The following PAN3 variants were observed in gnomAD, a reference collection of about 807,000 sequenced individuals.
The protein encoded by PAN3 is PAN2-PAN3 deadenylation complex subunit PAN3.
Under a neutral mutation model 96.2 loss-of-function variants are expected in PAN3, and 19 were observed. The observed-to-expected ratio is 0.20, with a 90% CI of 0.14 to 0.29. The LOEUF is 0.29. Among genes scored for constraint, PAN3 ranks in the 10% least tolerant of loss-of-function variants. The pLI, the probability that PAN3 is intolerant of heterozygous loss-of-function variation, is 1.00. For synonymous variants in PAN3, 433 were observed against 406.6 expected (o/e 1.06, Z -0.78); for missense variants, 882 against 1,108.1 (o/e 0.80, Z 2.90).
At chr13:28,214,484 A>G (rs534246638) in intron 5 of PAN3, 6 of 249,196 alleles carry the variant, frequency 2.4e-5, no homozygotes, top group African/African-American at 9.3e-5. Context: ...CCACCAGAAC[A>G]CAGGTGTCAT....
chr13:28,166,259 A>G (rs1873523388), intron 1 of PAN3, among the ~76,000 whole-genome samples: 1 of 152,204 alleles, frequency 6.6e-6, no homozygotes, highest in African/African-American at 2.4e-5. Flanking sequence ...CACAGGATAG[A>G]TACTTCCATT....
chr13:28,152,865 T>C (rs1871546645), intron 1 of PAN3, among the ~76,000 whole-genome samples: 1 of 152,192 alleles, frequency 6.6e-6, no homozygotes, highest in Non-Finnish European at 1.5e-5. Flanking sequence ...GTTTTACCTT[T>C]CAAGTTGATA....
At chr13:28,245,407 T>C (rs1884082401) in intron 6 of PAN3, among the ~76,000 whole-genome samples, 2 of 151,644 alleles carry the variant, frequency 1.3e-5, no homozygotes, top group South Asian at 4.2e-4. Flanking sequence ...TTTTTTACAT[T>C]GTATTTCATT....
chr13:28,223,826 T>C (rs1266957531), intron 6 of PAN3, among the ~76,000 whole-genome samples: 3 of 151,462 alleles, frequency 2.0e-5, no homozygotes, highest in Non-Finnish European at 4.4e-5. Flanking sequence ...GTGCTTAATA[T>C]ATGAAATAAT....
chr13:28,265,554 C>T (rs1002144435), intron 9 of PAN3, among the ~76,000 whole-genome samples: 1 of 152,132 alleles, frequency 6.6e-6, no homozygotes, highest in African/African-American at 2.4e-5. Context: ...GGAATTCTAC[C>T]TCATGGAATT....
intron 6 of PAN3, among the ~76,000 whole-genome samples, chr13:28,227,887 A>G (rs1430577550): frequency 6.6e-6 from 1 of 152,196 alleles, no homozygotes; most frequent in African/African-American, 2.4e-5. Context: ...ATGTAAGATT[A>G]GAGTCTGGGG....
intron 1 of PAN3, among the ~76,000 whole-genome samples, chr13:28,153,041 G>A (rs773117889): frequency 1.3e-5 from 2 of 152,046 alleles, no homozygotes; most frequent in Non-Finnish European, 2.9e-5. Context: ...CAGGATATAT[G>A]TACAGAGTTA....
At chr13:28,255,516 A>AT (rs1386270122) in intron 6 of PAN3, among the ~76,000 whole-genome samples, 1 of 152,168 alleles carries the variant, frequency 6.6e-6, no homozygotes, top group Admixed American at 6.5e-5. Flanking sequence ...CAATAAACTC[A>AT]TAATAGAGGG....
chr13:28,154,657 G>A (rs1278553220), intron 1 of PAN3, among the ~76,000 whole-genome samples: 2 of 151,830 alleles, frequency 1.3e-5, no homozygotes, highest in African/African-American at 4.8e-5. Context: ...ACTACGCCCA[G>A]CTAATTTTTT....
intron 5 of PAN3, chr13:28,215,119 T>C: frequency 5.1e-6 from 4 of 785,862 alleles, no homozygotes; most frequent in Non-Finnish European, 9.0e-6. Flanking sequence ...GACAACATGC[T>C]GGAGCCAAGT....
chr13:28,203,165 T>G (rs574544402), intron 5 of PAN3, among the ~76,000 whole-genome samples: 7 of 152,142 alleles, frequency 4.6e-5, no homozygotes, highest in Non-Finnish European at 1.0e-4. Flanking sequence ...TTCACCGTGT[T>G]GCCCAGGCTG....
At chr13:28,214,149 G>T (rs1464001151) in intron 5 of PAN3, among the ~76,000 whole-genome samples, 1 of 152,028 alleles carries the variant, frequency 6.6e-6, no homozygotes, top group African/African-American at 2.4e-5. Context: ...ACTTAAAAAG[G>T]TTATATATAC....
intron 1 of PAN3, among the ~76,000 whole-genome samples, chr13:28,164,654 A>G (rs1453068530): frequency 1.3e-5 from 2 of 152,220 alleles, no homozygotes; most frequent in Non-Finnish European, 2.9e-5. Context: ...CATCCTGGGA[A>G]GTTGTACAGT....
At chr13:28,174,715 T>C (rs995980839) in intron 2 of PAN3, among the ~76,000 whole-genome samples, 2 of 152,194 alleles carry the variant, frequency 1.3e-5, no homozygotes, top group African/African-American at 4.8e-5. Flanking sequence ...TTAAGCAGGT[T>C]ATACATGTAT....
chr13:28,277,297 G>A lies in PAN3; in HGVS notation c.2110G>A (p.Gly704Arg). ...VLALACNSLA[G>R]IQRENLQKAM... ...GGCTTTGGCTTGCAACTCTTTGGCAGGAATTCAGCGAGAGAATTTACAGAA... is the reference window on the plus strand; with the variant it reads ...GGCTTTGGCTTGCAACTCTTTGGCAAGAATTCAGCGAGAGAATTTACAGAA... The change falls in exon 15 of 19, where the codon GGA (glycine) becomes AGA (arginine). Residue 704 changes from glycine (G) to arginine (R), a missense_variant. Physicochemically the swap from Gly to Arg is moderately radical, Grantham distance 125 (BLOSUM62 -2). Coordinates refer to ENST00000380958, the MANE Select transcript of PAN3 (RefSeq NM_175854.8). 6.2e-7 allele frequency: 1 copy of A among 1,613,502 alleles called. No homozygotes were observed. The highest frequency in any genetic ancestry group is 1.1e-5 in the South Asian group (1 of 91,018).
chr13:28,234,893 C>G (rs1172885925), intron 6 of PAN3, among the ~76,000 whole-genome samples: 1 of 151,960 alleles, frequency 6.6e-6, no homozygotes, highest in Non-Finnish European at 1.5e-5. Flanking sequence ...TTTTTTTACT[C>G]TTGCCATCAT....
chr13:28,180,073 G>A (rs565691613), intron 4 of PAN3, among the ~76,000 whole-genome samples: 20 of 152,220 alleles, frequency 1.3e-4, no homozygotes, highest in African/African-American at 4.3e-4. Context: ...GCACTCTACT[G>A]TGATATTTGA....
intron 1 of PAN3, among the ~76,000 whole-genome samples, chr13:28,168,056 C>T (rs528815753): frequency 2.0e-5 from 3 of 152,270 alleles, no homozygotes; most frequent in African/African-American, 7.2e-5. Context: ...ACTTAATCAC[C>T]TTCTAAAGGT....
chr13:28,292,160 A>G (rs1261739262), intron 18 of PAN3, among the ~76,000 whole-genome samples: 1 of 152,198 alleles, frequency 6.6e-6, no homozygotes, highest in Non-Finnish European at 1.5e-5. Context: ...AATACAAACA[A>G]ACGTTAAGCG....
Sources: allele counts gnomAD v4.1 joint callset (sites outside exome capture counted in the v4.1 genomes callset), GRCh38; gene constraint gnomAD v4.1.1; transcripts MANE v1.5; gene names NCBI Gene and HGNC (gene_info 2026-07-23, HGNC 2026-07-21).